The following SLC2A9 variants were observed in gnomAD, a reference collection of about 807,000 sequenced individuals.
SLC2A9 encodes the protein solute carrier family 2, facilitated glucose transporter member 9.
A neutral mutation model predicts 50.6 loss-of-function variants in SLC2A9; 39 were observed. The observed-to-expected ratio is 0.77, with a 90% confidence interval of 0.60 to 1.01. The LOEUF is 1.01. Ranked by LOEUF, SLC2A9 falls within the 50% of genes least tolerant of loss-of-function variation. The pLI is 0.00. For synonymous variants in SLC2A9, 324 were observed against 276.9 expected (o/e 1.17, Z -1.69); for missense variants, 686 against 677.6 (o/e 1.01, Z -0.14).
intron 2 of SLC2A9, among the ~76,000 whole-genome samples, chr4:10,005,316 G>C (rs181571064): frequency 6.6e-6 from 1 of 152,316 alleles, no homozygotes; most frequent in African/African-American, 2.4e-5. Flanking sequence ...ACCACAGGTT[G>C]CCACACAGGA....
intron 2 of SLC2A9, among the ~76,000 whole-genome samples, chr4:10,012,850 ATG>A (rs1164120941): frequency 6.6e-6 from 1 of 152,154 alleles, no homozygotes; most frequent in East Asian, 1.9e-4. Flanking sequence ...CACATCTGTC[ATG>A]TGTCATGTGT....
In SLC2A9 at chr4:10,016,202, TG is replaced by T. The variant is rs1288595289; in HGVS notation, c.249+2772del. On this transcript the variant is annotated intron_variant, in intron 2 of 11. Coordinates refer to ENST00000264784, the MANE Select transcript of SLC2A9 (RefSeq NM_020041.3). Reference sequence around the variant, plus strand: ...CCGATATCCCAAACAAGAAGTCCCATGGCCTAACACTGCCTGGCACAGAAAG... The same window carrying T: ...CCGATATCCCAAACAAGAAGTCCCATGCCTAACACTGCCTGGCACAGAAAG... 2.6e-5 allele frequency among the ~76,000 whole-genome samples: 4 copies of T among 152,354 alleles called. No homozygotes were observed. The East Asian group carries it at 7.7e-4, about 29-fold the overall frequency.
chr4:9,955,087 C>T (rs1454347700), intron 5 of SLC2A9, among the ~76,000 whole-genome samples: 5 of 152,270 alleles, frequency 3.3e-5, no homozygotes, highest in African/African-American at 1.2e-4. Context: ...AGTAAACACA[C>T]GGCGTGTGCG....
In SLC2A9 at chr4:9,817,582, G is replaced by A. The variant is rs1723780200; in HGVS notation, n.420+8838C>T. The stretch of plus-strand genomic sequence containing the variant: ...TCCACTCACATAGTCACATTTGTAT[G>A]AGTGTCCTCGTTACTGCAAATGTTT... On this transcript the variant is annotated intron_variant and non_coding_transcript_variant, in intron 3 of 3. Coordinates refer to the SLC2A9 transcript ENST00000503280. 2.0e-5 allele frequency among the ~76,000 whole-genome samples: 3 copies of A among 152,220 alleles called. No homozygotes were observed. The South Asian group carries it at 6.2e-4, about 31-fold the overall frequency.
At chr4:10,018,883 A>AC in intron 2 of SLC2A9, 92 bp downstream of exon 2, 1 of 1,292,968 alleles carries the variant, frequency 7.7e-7, no homozygotes, top group Non-Finnish European at 1.1e-6. Flanking sequence ...CGCGAGCGCA[A>AC]CAGGAGGGGG....
intron 11 of SLC2A9, among the ~76,000 whole-genome samples, chr4:9,827,739 TG>T (rs1363087425): frequency 6.6e-6 from 1 of 152,176 alleles, no homozygotes; most frequent in Non-Finnish European, 1.5e-5. Flanking sequence ...GTTCCACACC[TG>T]GGGGTGCTTA....
intron 3 of SLC2A9, among the ~76,000 whole-genome samples, chr4:9,817,258 T>A (rs1723733046): frequency 6.6e-6 from 1 of 152,240 alleles, no homozygotes; most frequent in Non-Finnish European, 1.5e-5. Flanking sequence ...TAAGTTAACA[T>A]ACTCGAAGGT....
intron 6 of SLC2A9, among the ~76,000 whole-genome samples, chr4:9,936,416 G>T (rs1475689927): frequency 1.3e-5 from 2 of 152,164 alleles, no homozygotes; most frequent in Non-Finnish European, 1.5e-5. Context: ...CTAACTCTCA[G>T]CTAACCCTGG....
intron 8 of SLC2A9, among the ~76,000 whole-genome samples, chr4:9,902,047 CTG>C (rs1416419508): frequency 6.6e-6 from 1 of 152,212 alleles, no homozygotes; most frequent in Non-Finnish European, 1.5e-5. Context: ...CTCAGGTTCA[CTG>C]TGTCCCTCTT....
At chr4:9,915,560 A>T (rs1278282917) in intron 7 of SLC2A9, among the ~76,000 whole-genome samples, 1 of 152,152 alleles carries the variant, frequency 6.6e-6, no homozygotes, top group East Asian at 1.9e-4. Context: ...GCATCCTTTC[A>T]TCTATCTTCA....
chr4:9,775,363 T>C (rs956261130), downstream of SLC2A9, among the ~76,000 whole-genome samples: 1 of 152,120 alleles, frequency 6.6e-6, no homozygotes, highest in African/African-American at 2.4e-5. Flanking sequence ...TCAGAGCCAC[T>C]GCAGTCTTGG....
chr4:9,942,867 G>C (rs1377562378), intron 5 of SLC2A9, among the ~76,000 whole-genome samples: 1 of 152,194 alleles, frequency 6.6e-6, no homozygotes, highest in Non-Finnish European at 1.5e-5. Context: ...ATCATGAGAA[G>C]GAGGAAAAAC....
At chr4:9,837,936 G>A (rs529709676) in intron 10 of SLC2A9, among the ~76,000 whole-genome samples, 106 of 152,320 alleles carry the variant, frequency 7.0e-4, no homozygotes, top group African/African-American at 2.5e-3. Context: ...TCAGGTTTAA[G>A]TCCTATCTCA....
intron 5 of SLC2A9, among the ~76,000 whole-genome samples, chr4:9,969,952 G>C (rs1421224758): frequency 6.6e-6 from 1 of 152,088 alleles, no homozygotes; most frequent in Non-Finnish European, 1.5e-5. Flanking sequence ...AGTGTGTAGA[G>C]ACTCACGCTA....
At chr4:9,779,722 A>T (rs1718071112), downstream of SLC2A9, 1 of 145,890 alleles carries the variant, frequency 6.9e-6, no homozygotes, top group Admixed American at 7.0e-5. Context: ...CCTAGACTTC[A>T]AGCTTTTAGA....
chr4:9,808,885 G>A (rs1264250279), intron 3 of SLC2A9, among the ~76,000 whole-genome samples: 1 of 152,204 alleles, frequency 6.6e-6, no homozygotes, highest in East Asian at 1.9e-4. Flanking sequence ...AGGTACAAAA[G>A]AAGGTGCAAC....
In SLC2A9 at chr4:9,807,079, C is replaced by G. The variant is rs115132902; in HGVS notation, n.421-7838G>C. ...ATGGACCCTGTTTCTTAAAAGTAAT[C>G]CCAGATATAGTGGCCATCCAGCTGG... On this transcript the variant is annotated intron_variant and non_coding_transcript_variant, in intron 3 of 3. Coordinates refer to the SLC2A9 transcript ENST00000503280. 4.5e-3 allele frequency among the ~76,000 whole-genome samples: 679 copies of G among 152,200 alleles called. 8 individuals are homozygous for G. The highest frequency in any genetic ancestry group is 8.2e-3 in the Admixed American group (125 of 15,300).
At chr4:10,038,833 C>T (rs770804095) in intron 1 of SLC2A9, among the ~76,000 whole-genome samples, 129 of 152,134 alleles carry the variant, frequency 8.5e-4, no homozygotes, top group Non-Finnish European at 1.5e-3. Flanking sequence ...CACCAAGGTC[C>T]CTCAGTCACT....
intron 3 of SLC2A9, among the ~76,000 whole-genome samples, chr4:9,989,120 G>A (rs780486285): frequency 1.1e-4 from 16 of 152,120 alleles, no homozygotes; most frequent in Non-Finnish European, 2.2e-4. Flanking sequence ...GTGTTCATCC[G>A]TTCCTGCATA....
Sources: gnomAD v4.1 joint callset for allele counts (sites outside exome capture counted in the v4.1 genomes callset) on GRCh38, gnomAD v4.1.1 for gene constraint, MANE v1.5 for transcripts, NCBI Gene and HGNC (gene_info 2026-07-23, HGNC 2026-07-21) for gene names.